The following KIAA0825 variants were observed in gnomAD, a reference collection of about 807,000 sequenced individuals.
KIAA0825 encodes the protein KIAA0825.
In KIAA0825, 119 loss-of-function variants were observed where a neutral mutation model predicts 147.6. The ratio of observed to expected loss-of-function variants is 0.81; its 90% CI spans 0.69 to 0.94. The LOEUF is 0.94. Among genes scored for constraint, KIAA0825 ranks in the 40% least tolerant of loss-of-function variants. The pLI is 0.00. For synonymous variants in KIAA0825, 470 were observed against 518.1 expected, an observed-to-expected ratio of 0.91 and a Z score of 1.26; for missense variants, 1,381 against 1,472.7, an observed-to-expected ratio of 0.94 and a Z score of 1.02.
At chr5:94,552,021 A>C (rs1328052919) in intron 2 of KIAA0825, among the ~76,000 whole-genome samples, 2 of 152,050 alleles carry the variant, frequency 1.3e-5, no homozygotes, top group East Asian at 3.8e-4. Context: ...TACTGCCCAC[A>C]AAAAAACTAC....
intron 20 of KIAA0825, among the ~76,000 whole-genome samples, chr5:94,295,435 C>T (rs1162850602): frequency 3.9e-5 from 6 of 152,086 alleles, no homozygotes. Context: ...ATTTGTCAAA[C>T]TCATTCTCCA....
intron 14 of KIAA0825, among the ~76,000 whole-genome samples, chr5:94,430,098 C>A (rs1057168457): frequency 6.6e-6 from 1 of 151,986 alleles, no homozygotes; most frequent in Non-Finnish European, 1.5e-5. Context: ...CTGGACCAAG[C>A]AAGCAAATAC....
At chr5:94,410,703 C>G (rs1042440240) in intron 15 of KIAA0825, among the ~76,000 whole-genome samples, 2 of 151,974 alleles carry the variant, frequency 1.3e-5, no homozygotes, top group African/African-American at 4.8e-5. Context: ...CTTTACAGTG[C>G]TAAAGGAAAA....
At position 94,530,131 on chromosome 5, in the gene KIAA0825, T is replaced by C. The variant is rs184160863; in HGVS notation, c.132-6033A>G. On this transcript the variant is annotated intron_variant, in intron 3 of 20. Transcript: ENST00000682413. The stretch of plus-strand genomic sequence containing the variant: ...CTAAAAAACTACAAAATTAGCCAGG[T>C]GTGCTGGCACATACCTGTAATCCCA... Among the ~76,000 whole-genome samples the C allele has an allele frequency of 5.6e-3, 850 of 151,886 alleles. 4 individuals carry two copies. Among genetic ancestry groups the C allele is most frequent in the Non-Finnish European group, 0.01 (712 of 67,938 alleles).
chr5:94,300,677 G>T (rs1420444215), intron 20 of KIAA0825, among the ~76,000 whole-genome samples: 2 of 152,082 alleles, frequency 1.3e-5, no homozygotes, highest in Non-Finnish European at 2.9e-5. Context: ...AAAGAATGAA[G>T]CTCAAAGGCT....
At chr5:94,519,121 C>A (rs548537823) in intron 5 of KIAA0825, 1 of 682,706 alleles carries the variant, frequency 1.5e-6, no homozygotes, top group Admixed American at 6.3e-5. Flanking sequence ...TTGGCAGATG[C>A]ATCTCTCTTC....
chr5:94,454,614 A>C (rs1364465092), intron 12 of KIAA0825, among the ~76,000 whole-genome samples: 2 of 152,180 alleles, frequency 1.3e-5, no homozygotes, highest in Non-Finnish European at 2.9e-5. Context: ...CAGAAGCCAG[A>C]CCAGGTACCA....
At chr5:94,369,095 C>T (rs546353104) in intron 20 of KIAA0825, among the ~76,000 whole-genome samples, 3 of 152,168 alleles carry the variant, frequency 2.0e-5, no homozygotes, top group East Asian at 3.9e-4. Flanking sequence ...GGCATTGAGG[C>T]TGGAGTGAGC....
At chr5:94,270,291 A>T (rs1776927652) in intron 20 of KIAA0825, among the ~76,000 whole-genome samples, 1 of 152,152 alleles carries the variant, frequency 6.6e-6, no homozygotes, top group Non-Finnish European at 1.5e-5. Context: ...AAATAAATCC[A>T]CATATCTAGT....
rs556198495 is a variant in KIAA0825, at chr5:94,432,073, T to C, written c.2497+7909A>G. Among the ~76,000 whole-genome samples, 13 of 152,364 alleles carry C rather than the reference T, an allele frequency of 8.5e-5. No individual in the cohort carries two copies. In the East Asian group the frequency reaches 2.1e-3, roughly 25 times the overall value. ...TGAATGTCCTGATAATAATTCATAA[T>C]AGTTCATAATAATTCTTAAGTAAAT... On this transcript the variant is annotated intron_variant, in intron 14 of 20. Transcript: ENST00000682413.
intron 12 of KIAA0825, among the ~76,000 whole-genome samples, chr5:94,459,095 G>T (rs1373101843): frequency 1.3e-5 from 2 of 151,776 alleles, no homozygotes; most frequent in Non-Finnish European, 2.9e-5. Context: ...CTTGTGTCTG[G>T]TTTTTTTCAC....
intron 20 of KIAA0825, among the ~76,000 whole-genome samples, chr5:94,289,404 G>A (rs1021286504): frequency 2.6e-5 from 4 of 151,592 alleles, no homozygotes; most frequent in African/African-American, 7.3e-5. Context: ...GCATGGTGGC[G>A]GACACCTGTA....
chr5:94,542,174 C>T (rs1012603810), intron 2 of KIAA0825, among the ~76,000 whole-genome samples: 8 of 152,156 alleles, frequency 5.3e-5, no homozygotes, highest in African/African-American at 1.9e-4. Flanking sequence ...GAGACTGTGA[C>T]ATCAGAATGG....
intron 20 of KIAA0825, among the ~76,000 whole-genome samples, chr5:94,330,783 A>G (rs1331365379): frequency 6.6e-6 from 1 of 152,188 alleles, no homozygotes; most frequent in Non-Finnish European, 1.5e-5. Context: ...CAACCTTTTC[A>G]GACTTTCTTC....
chr5:94,288,695 A>G (rs1777759213), intron 20 of KIAA0825, among the ~76,000 whole-genome samples: 1 of 152,206 alleles, frequency 6.6e-6, no homozygotes, highest in Non-Finnish European at 1.5e-5. Context: ...ATTCTGTAGC[A>G]GCTTTTGTAA....
chr5:94,305,826 A>AGAAG (rs1778694126), intron 20 of KIAA0825, among the ~76,000 whole-genome samples: 1 of 151,978 alleles, frequency 6.6e-6, no homozygotes, highest in Non-Finnish European at 1.5e-5. Flanking sequence ...AGTTCCAAAT[A>AGAAG]GAAGGATCTG....
At chr5:94,615,495 A>G (rs1231941690) in intron 1 of KIAA0825, 2 of 152,190 alleles carry the variant, frequency 1.3e-5, no homozygotes, top group African/African-American at 4.8e-5. Context: ...ACAATTTACA[A>G]AGCTTATCTT....
intron 13 of KIAA0825, among the ~76,000 whole-genome samples, chr5:94,447,096 G>C (rs367796876): frequency 2.0e-5 from 3 of 152,076 alleles, no homozygotes; most frequent in East Asian, 1.9e-4. Context: ...AGATATGTTC[G>C]GAGGGGAATA....
At chr5:94,451,703 G>A (rs574938879) in intron 13 of KIAA0825, among the ~76,000 whole-genome samples, 9 of 152,216 alleles carry the variant, frequency 5.9e-5, no homozygotes, top group Non-Finnish European at 1.3e-4. Context: ...GGGTTGATCC[G>A]AGCAAGCTTG....
Sources: allele counts gnomAD v4.1 joint callset (sites outside exome capture counted in the v4.1 genomes callset), GRCh38; gene constraint gnomAD v4.1.1; transcripts MANE v1.5; gene names NCBI Gene and HGNC (gene_info 2026-07-23, HGNC 2026-07-21).